The following VWF variants were observed in gnomAD, a reference collection of about 807,000 sequenced individuals.
VWF encodes the protein von Willebrand factor.
In VWF, 176 loss-of-function variants were observed where a neutral mutation model predicts 308.6. The observed-to-expected ratio is 0.57, with a 90% CI of 0.50 to 0.65. VWF has a LOEUF of 0.65. Among genes scored for constraint, VWF ranks in the 30% least tolerant of loss-of-function variants. The pLI, the probability that VWF is intolerant of heterozygous loss-of-function variation, is 0.00. For missense variants in VWF, 3,146 were observed against 3,648.2 expected, an observed-to-expected ratio of 0.86 and a Z score of 3.55; for synonymous variants, 1,385 against 1,443.4, an observed-to-expected ratio of 0.96 and a Z score of 0.92.
At chr12:6,118,721 T>A (rs1945397498) in intron 3 of VWF, among the ~76,000 whole-genome samples, 1 of 151,972 alleles carries the variant, frequency 6.6e-6, no homozygotes, top group African/African-American at 2.4e-5. Flanking sequence ...AACCCTCCAT[T>A]CCCACTGACA....
intron 8 of VWF, among the ~76,000 whole-genome samples, chr12:6,073,374 C>T (rs1007617814): frequency 6.6e-6 from 1 of 152,198 alleles, no homozygotes; most frequent in African/African-American, 2.4e-5. Context: ...ACTGTTGGGG[C>T]CCAGGCCACC....
intron 34 of VWF, among the ~76,000 whole-genome samples, chr12:6,010,386 A>C (rs1486150947): frequency 1.3e-5 from 2 of 152,204 alleles, no homozygotes; most frequent in Non-Finnish European, 2.9e-5. Context: ...GCTGATCGAA[A>C]ACCAAACTGA....
In VWF at chr12:5,983,140, G is replaced by C; in HGVS notation, c.7081+10C>G. On this transcript the variant is annotated intron_variant, in intron 41 of 51. Transcript: ENST00000261405. ...GCCACACCACCCCTCCTCATCCACAGAGGCCTTACCGCAGGTGAAGTTGGG... is the reference window on the plus strand; with the variant it reads ...GCCACACCACCCCTCCTCATCCACACAGGCCTTACCGCAGGTGAAGTTGGG... 6.2e-7 allele frequency: 1 copy of C among 1,612,686 alleles called. No individual in the cohort carries two copies. The highest frequency in any genetic ancestry group is 2.2e-5 in the East Asian group (1 of 44,838).
At chr12:6,008,962 C>T (rs1943961943) in intron 34 of VWF, among the ~76,000 whole-genome samples, 1 of 152,078 alleles carries the variant, frequency 6.6e-6, no homozygotes, top group Non-Finnish European at 1.5e-5. Flanking sequence ...AACACTGATA[C>T]GTAAAACCTG....
At chr12:6,041,082 T>C (rs894205196) in intron 18 of VWF, among the ~76,000 whole-genome samples, 4 of 151,962 alleles carry the variant, frequency 2.6e-5, no homozygotes, top group African/African-American at 9.7e-5. Flanking sequence ...TTATATGTCA[T>C]AAAAAGTGGG....
chr12:5,957,918 T>A (rs1179792175), intron 47 of VWF, among the ~76,000 whole-genome samples: 1 of 152,198 alleles, frequency 6.6e-6, no homozygotes, highest in Non-Finnish European at 1.5e-5. Context: ...CAATACCTTG[T>A]GGAATTTCTC....
At chr12:6,106,654 CA>C (rs1318118393) in intron 5 of VWF, among the ~76,000 whole-genome samples, 1 of 152,036 alleles carries the variant, frequency 6.6e-6, no homozygotes, top group Non-Finnish European at 1.5e-5. Flanking sequence ...GGAGGCGGAT[CA>C]CCTGAGGTCA....
chr12:6,019,380 C>T lies in VWF; in HGVS notation c.4038G>A (p.Gln1346=). The change falls in exon 28 of 52, where the codon CAG becomes CAA. Residue 1346 remains glutamine, a synonymous_variant. Coordinates refer to ENST00000261405, the MANE Select transcript of VWF (RefSeq NM_000552.5). This position sits in a 1 kb window ranked among gnomAD's most constrained non-coding sequence, Gnocchi z 5.8. ...RPSELRRIAS[Q]VKYAGSQVAS... ...CCACCTGGCTGCCCGCATACTTCAC[C>T]TGGCTGGCAATGCGCCGCAGCTCTG... 1.2e-6 allele frequency: 2 copies of T among 1,613,974 alleles called. No homozygotes were observed. Among genetic ancestry groups the T allele is most frequent in the South Asian group, 1.1e-5 (1 of 91,074 alleles).
In VWF at chr12:5,971,766, C is replaced by A. The variant is rs116477024; in HGVS notation, c.7438-57G>T. 2.4e-3 allele frequency: 3,531 copies of A among 1,442,394 alleles called. 70 individuals are homozygous for A. The African/African-American group carries it at 0.042, about 17-fold the overall frequency. 89.3% of individuals were successfully genotyped at this position (1,442,394 alleles called of 1,614,324 possible). A position where few individuals can be genotyped will look rare whatever the true frequency, so the allele number is the denominator to read the frequency against. ...GGCCAGCAGCAAAGACACAGGGGCT[C>A]TTACCTACGCCTCCTGCGTACTGAG... is the stretch of plus-strand genomic sequence containing the variant. On this transcript the variant is annotated intron_variant, in intron 43 of 51. Coordinates refer to ENST00000261405, the MANE Select transcript of VWF (RefSeq NM_000552.5).
At chr12:6,054,922 G>C (rs1304836195) in intron 15 of VWF, among the ~76,000 whole-genome samples, 1 of 152,164 alleles carries the variant, frequency 6.6e-6, no homozygotes, top group Non-Finnish European at 1.5e-5. Context: ...AAGAACCCAG[G>C]AGACTTACCC....
At chr12:5,959,068 A>G (rs1008734263) in intron 47 of VWF, among the ~76,000 whole-genome samples, 1 of 151,966 alleles carries the variant, frequency 6.6e-6, no homozygotes, top group Admixed American at 6.6e-5. Context: ...TTAGTTGGAC[A>G]TGGTGGCACA....
At chr12:5,953,788 G>A in intron 47 of VWF, 194 bp from the exon 48 acceptor site, 1 of 616,256 alleles carries the variant, frequency 1.6e-6, no homozygotes, top group Admixed American at 2.4e-5. Context: ...CTCTGCATGT[G>A]CACATCTCAC....
intron 47 of VWF, among the ~76,000 whole-genome samples, chr12:5,965,007 G>C (rs2136351758): frequency 6.6e-6 from 1 of 152,306 alleles, no homozygotes; most frequent in Non-Finnish European, 1.5e-5. Flanking sequence ...CCAGACCACA[G>C]CTGCACACGA....
Position 6,016,113 on chromosome 12 carries a change from C to T in VWF, c.5431G>A (p.Ala1811Thr). 6.2e-7 allele frequency: 1 copy of T among 1,614,204 alleles called. No homozygotes were observed. Among genetic ancestry groups the T allele is most frequent in the African/African-American group, 1.3e-5 (1 of 75,062 alleles). ...TDVSVDSVDA[A>T]ADAARSNRVT... is the part of the protein sequence containing the mutation. ...CTGTTGGACCTGGCGGCATCAGCTG[C>T]TGCATCCACTGAATCCACAGAGACG... The change falls in exon 31 of 52, where the codon GCA becomes ACA. Residue 1811 changes from alanine (A) to threonine (T), a missense_variant. This residue lies in a region of VWF where 853 missense variants were observed against 1,177.8 expected (regional missense o/e 0.72). Coordinates refer to ENST00000261405, the MANE Select transcript of VWF (RefSeq NM_000552.5).
At chr12:6,119,038 C>T (rs533617642) in intron 3 of VWF, among the ~76,000 whole-genome samples, 23 of 152,376 alleles carry the variant, frequency 1.5e-4, no homozygotes, top group African/African-American at 5.3e-4. Flanking sequence ...ATTCCGCCTC[C>T]TACCTCTCTC....
chr12:6,002,684 A>G lies in VWF; in HGVS notation c.5843-6462T>C, dbSNP rs569973819. On this transcript the variant is annotated intron_variant, in intron 34 of 51. Transcript: ENST00000261405. The stretch of plus-strand genomic sequence containing the variant: ...AAAGAAAGTTACTCCACCAAAAAAA[A>G]GAAACAAAAAACAAAATACCAACCC... Among the ~76,000 whole-genome samples the G allele has an allele frequency of 4.2e-4, 64 of 152,212 alleles. 1 individual carries two copies. The East Asian group carries it at 6.7e-3, about 16-fold the overall frequency.
chr12:6,120,598 C>T (rs1318465997), intron 3 of VWF, among the ~76,000 whole-genome samples: 2 of 152,056 alleles, frequency 1.3e-5, no homozygotes, highest in Admixed American at 6.6e-5. Context: ...CCACCGTGCC[C>T]GGCCTCAGCT....
At position 6,111,093 on chromosome 12, in the gene VWF, G is replaced by A. The variant is rs543939406; in HGVS notation, c.221-125C>T. The A allele has an allele frequency of 8.2e-5, 67 of 822,020 alleles. 1 individual carries two copies. The highest frequency in any genetic ancestry group is 4.3e-4 in the South Asian group (29 of 67,394). The allele number at this position is 822,020 out of a possible 1,614,324, so 50.9% of individuals were successfully genotyped here. A position where few individuals can be genotyped will look rare whatever the true frequency, so the allele number is the denominator to read the frequency against. On this transcript the variant is annotated intron_variant, in intron 3 of 51. Coordinates refer to ENST00000261405, the MANE Select transcript of VWF (RefSeq NM_000552.5). Reference sequence around the variant, plus strand: ...AACGCCCCAAAAAGTCTTTACAAGCGAGCAACAAAAATCTCCCTAAAAATC... The same window carrying A: ...AACGCCCCAAAAAGTCTTTACAAGCAAGCAACAAAAATCTCCCTAAAAATC...
chr12:6,077,738 G>A (rs1034094106), intron 6 of VWF, among the ~76,000 whole-genome samples: 1 of 152,212 alleles, frequency 6.6e-6, no homozygotes, highest in Non-Finnish European at 1.5e-5. Flanking sequence ...TAGGTCTCAG[G>A]TGGTTACATG....
Sources: gnomAD v4.1 joint callset for allele counts (sites outside exome capture counted in the v4.1 genomes callset) on GRCh38, gnomAD v4.1.1 for gene constraint, gnomAD v4.1.1 regional missense constraint, Gnocchi (gnomAD v3.1) non-coding constraint, MANE v1.5 for transcripts, NCBI Gene and HGNC (gene_info 2026-07-23, HGNC 2026-07-21) for gene names.